EML1: variants seen among roughly 807,000 people sequenced by gnomAD.
The protein encoded by EML1 is EMAP like 1.
In EML1, 27 loss-of-function variants were observed where a neutral mutation model predicts 110.4. The ratio of observed to expected loss-of-function variants is 0.24; its 90% confidence interval spans 0.18 to 0.34. The LOEUF (loss-of-function observed/expected upper bound fraction) is 0.34, where lower values mean the gene tolerates loss of function less well. Among genes scored for constraint, EML1 ranks in the 10% least tolerant of loss-of-function variants. The pLI is 1.00. For missense variants in EML1, 741 were observed against 1,030.9 expected, an observed-to-expected ratio of 0.72 and a Z score of 3.85; for synonymous variants, 344 against 385.8, an observed-to-expected ratio of 0.89 and a Z score of 1.27.
chr14:99,823,336 G>T (rs1427572842), intron 1 of EML1, among the ~76,000 whole-genome samples: 4 of 152,046 alleles, frequency 2.6e-5, no homozygotes, highest in African/African-American at 7.2e-5. Context: ...CCGCACTGTG[G>T]CTGTGTCCCC....
At chr14:99,810,573 A>G (rs888168132) in intron 1 of EML1, among the ~76,000 whole-genome samples, 22 of 152,096 alleles carry the variant, frequency 1.4e-4, no homozygotes, top group African/African-American at 5.1e-4. Flanking sequence ...GGCCCTCTGC[A>G]TTATTTGTTA....
chr14:99,752,739 C>A (rs2057191043), intron 1 of EML1, among the ~76,000 whole-genome samples: 1 of 152,048 alleles, frequency 6.6e-6, no homozygotes, highest in Admixed American at 6.5e-5. Context: ...GGCTTCCCAG[C>A]CCCCTTTAAG....
chr14:99,811,212 C>T lies in EML1; in HGVS notation c.67+17669C>T, dbSNP rs952291438. 2.1e-4 allele frequency among the ~76,000 whole-genome samples: 31 copies of T among 147,320 alleles called. 3 individuals carry two copies. Among genetic ancestry groups the T allele is most frequent in the Admixed American group, 2.0e-3 (30 of 14,888 alleles). On this transcript the variant is annotated intron_variant, in intron 1 of 21. Coordinates refer to ENST00000262233, the MANE Select transcript of EML1 (RefSeq NM_004434.3). ...GTTTTTGTTTTTTGAAACAGGGTCT[C>T]GCTCTATCACCCAGGCTAGAGTGCA...
chr14:99,932,200 T>TC (rs1033644726), intron 17 of EML1, among the ~76,000 whole-genome samples: 9 of 152,254 alleles, frequency 5.9e-5, no homozygotes, highest in African/African-American at 2.2e-4. Flanking sequence ...AGGGAGGACT[T>TC]CCCCAGGCAG....
At chr14:99,847,014 C>T (rs763527065) in intron 1 of EML1, among the ~76,000 whole-genome samples, 17 of 152,072 alleles carry the variant, frequency 1.1e-4, no homozygotes, top group Non-Finnish European at 2.4e-4. Flanking sequence ...TCCTCAAAGC[C>T]CTGCTTTAGC....
At chr14:99,805,729 A>G (rs1310229856) in intron 1 of EML1, among the ~76,000 whole-genome samples, 4 of 151,890 alleles carry the variant, frequency 2.6e-5, no homozygotes, top group Non-Finnish European at 4.4e-5. Context: ...TCCTGCCTCA[A>G]CTTCCCAAAG....
chr14:99,797,007 C>T (rs925316905), intron 1 of EML1, among the ~76,000 whole-genome samples: 4 of 151,760 alleles, frequency 2.6e-5, no homozygotes, highest in Admixed American at 2.6e-4. Flanking sequence ...CCATTAAGTG[C>T]GTGTAGTATA....
rs547042012 is a variant in EML1, at chr14:99,843,528, A to T, written c.68-7325A>T. On this transcript the variant is annotated intron_variant, in intron 1 of 21. Transcript: ENST00000262233. ...CTCTAAATGTGTCAACTCATTTAAT[A>T]TTATAACAACCCTATGAAATACTCT... Among the ~76,000 whole-genome samples the T allele has an allele frequency of 1.4e-4, 21 of 152,366 alleles. No individual in the cohort carries two copies. In the South Asian group the frequency reaches 4.1e-3, roughly 30 times the overall value.
chr14:99,882,035 TG>T (rs1314460089), intron 4 of EML1, among the ~76,000 whole-genome samples: 1 of 152,234 alleles, frequency 6.6e-6, no homozygotes, highest in East Asian at 1.9e-4. Flanking sequence ...TCAAATACTT[TG>T]TAACAAGCCA....
At position 99,793,510 on chromosome 14, in the gene EML1, TACG is replaced by T. The variant is rs2057708432; in HGVS notation, c.37_39del (p.Asp13del). ...CGGCTTCTCCAGCTACAGCAGCCTG[TACG>T]ACACGTCCTCGCTGCTCCAGTTCTG... is the stretch of plus-strand genomic sequence containing the variant. On this transcript the variant is annotated inframe_deletion, in exon 1 of 22. Transcript: ENST00000262233. 11 of 1,044,728 alleles carry T rather than the reference TACG, an allele frequency of 1.1e-5. No individual in the cohort carries two copies. Among genetic ancestry groups the T allele is most frequent in the Admixed American group, 5.8e-5 (1 of 17,258 alleles). 64.7% of individuals were successfully genotyped at this position (1,044,728 alleles called of 1,614,324 possible). A position where few individuals can be genotyped will look rare whatever the true frequency, so the allele number is the denominator to read the frequency against.
chr14:99,782,817 G>C (rs1380791968), intron 1 of EML1, among the ~76,000 whole-genome samples: 1 of 152,148 alleles, frequency 6.6e-6, no homozygotes, highest in Non-Finnish European at 1.5e-5. Context: ...AGCCTCAGTA[G>C]TGAGACTTTT....
At chr14:99,769,513 C>T (rs2057401354), upstream of EML1, among the ~76,000 whole-genome samples, 1 of 152,166 alleles carries the variant, frequency 6.6e-6, no homozygotes, top group East Asian at 1.9e-4. Flanking sequence ...GGATCCCATT[C>T]TCCCCAGGGC....
At chr14:99,898,799 G>A (rs552132148) in intron 8 of EML1, among the ~76,000 whole-genome samples, 1 of 151,478 alleles carries the variant, frequency 6.6e-6, no homozygotes, top group South Asian at 2.1e-4. Flanking sequence ...AATCCCTGGA[G>A]CTCATCTTAA....
At chr14:99,909,570 A>G (rs535413442) in intron 11 of EML1, 91 bp downstream of exon 11, 1 of 1,493,826 alleles carries the variant, frequency 6.7e-7, no homozygotes, top group Admixed American at 1.8e-5. Context: ...GATCAACACA[A>G]TCCCTTGGGA....
At chr14:99,912,912 A>G (rs1293022442) in intron 13 of EML1, among the ~76,000 whole-genome samples, 1 of 152,210 alleles carries the variant, frequency 6.6e-6, no homozygotes, top group Non-Finnish European at 1.5e-5. Flanking sequence ...ACACTGGAGA[A>G]TGTGTGAGGG....
chr14:99,810,791 T>C (rs1431092167), intron 1 of EML1, among the ~76,000 whole-genome samples: 1 of 152,192 alleles, frequency 6.6e-6, no homozygotes, highest in African/African-American at 2.4e-5. Context: ...AATAACATAT[T>C]ACATGTTTCA....
chr14:99,923,205 A>G (rs2060160791), intron 17 of EML1, among the ~76,000 whole-genome samples: 1 of 152,058 alleles, frequency 6.6e-6, no homozygotes, highest in South Asian at 2.1e-4. Flanking sequence ...GCCTCCCAAA[A>G]CTGCTGGGAT....
Position 99,760,083 on chromosome 14 carries a change from CAAAAAAAAAAAAAAAAA to C in EML1, c.28+22237_28+22253del, listed in dbSNP as rs61619098. On this transcript the variant is annotated intron_variant, in intron 1 of 10. Coordinates refer to the EML1 transcript ENST00000554479. The stretch of plus-strand genomic sequence containing the variant: ...GGGCAACAAGAGCTAGACTCCCTCT[CAAAAAAAAAAAAAAAAA>C]AAAAAAAAAAAAAGAGCTATGAGAC... Among the ~76,000 whole-genome samples the C allele has an allele frequency of 1.2e-3, 55 of 47,146 alleles. No homozygotes were observed. In the East Asian group the frequency reaches 0.029, roughly 25 times the overall value. 30.9% of individuals were successfully genotyped at this position (47,146 alleles called of 152,430 possible).
intron 1 of EML1, among the ~76,000 whole-genome samples, chr14:99,810,509 T>C (rs1210550680): frequency 1.3e-5 from 2 of 152,224 alleles, no homozygotes; most frequent in East Asian, 3.8e-4. Flanking sequence ...AAATAGCTTC[T>C]CCACATCTGC....
Sources: allele counts gnomAD v4.1 joint callset (sites outside exome capture counted in the v4.1 genomes callset), GRCh38; gene constraint gnomAD v4.1.1; transcripts MANE v1.5; gene names NCBI Gene and HGNC (gene_info 2026-07-23, HGNC 2026-07-21).